Variants in TGM3 observed in about 807,000 individuals in gnomAD.
TGM3 encodes protein-glutamine gamma-glutamyltransferase E.
Under a neutral mutation model 73.8 loss-of-function variants are expected in TGM3, and 52 were observed. That is an observed-to-expected ratio of 0.70 (90% CI 0.56 to 0.89). The LOEUF (loss-of-function observed/expected upper bound fraction) is 0.89. TGM3 is among the 40% of genes least tolerant of loss of function. TGM3 has a pLI of 0.00. For synonymous variants in TGM3, 372 were observed against 354.9 expected, an observed-to-expected ratio of 1.05 and a Z score of -0.54; for missense variants, 928 against 909.9, an observed-to-expected ratio of 1.02 and a Z score of -0.26.
intron 8 of TGM3, among the ~76,000 whole-genome samples, chr20:2,327,893 G>A (rs918384206): frequency 6.6e-6 from 1 of 152,234 alleles, no homozygotes; most frequent in Non-Finnish European, 1.5e-5. Context: ...CGCCCGGAAT[G>A]CGGAATTGTG....
At chr20:2,326,762 G>T (rs1165650201) in intron 8 of TGM3, among the ~76,000 whole-genome samples, 1 of 151,662 alleles carries the variant, frequency 6.6e-6, no homozygotes, top group Non-Finnish European at 1.5e-5. Context: ...TGGGAGAATC[G>T]CTGGAACTCA....
At position 2,317,206 on chromosome 20, in the gene TGM3, T is replaced by C. The variant is rs1156411441; in HGVS notation, c.808T>C (p.Tyr270His). The C allele has an allele frequency of 3.7e-6, 6 of 1,614,140 alleles. No homozygotes were observed. The highest frequency in any genetic ancestry group is 5.1e-6 in the Non-Finnish European group (6 of 1,180,028). ...WKKSGFSPVR[Y>H]GQCWVFAGTL... ...AAAATCTGGCTTCAGCCCAGTCCGA[T>C]ATGGCCAGTGCTGGGTCTTTGCTGG... The change falls in exon 6 of 13, where the codon TAT becomes CAT. Residue 270 changes from tyrosine to histidine, a missense_variant. By Grantham distance (83) the Tyr-to-His change is moderately conservative (BLOSUM62 2). Transcript: ENST00000381458.
At chr20:2,308,330 T>A (rs2084185487) in intron 1 of TGM3, among the ~76,000 whole-genome samples, 1 of 152,208 alleles carries the variant, frequency 6.6e-6, no homozygotes, top group South Asian at 2.1e-4. Flanking sequence ...CACACTCTCA[T>A]CAGAGCCATG....
intron 1 of TGM3, among the ~76,000 whole-genome samples, chr20:2,300,261 GGAGAA>G (rs201898813): frequency 2.6e-5 from 4 of 151,328 alleles, no homozygotes; most frequent in African/African-American, 7.3e-5. Flanking sequence ...AGAAAAGAGA[GGAGAA>G]GAGAAGAGAA....
intron 10 of TGM3, among the ~76,000 whole-genome samples, chr20:2,333,856 CCCT>C (rs2084333484): frequency 6.6e-6 from 1 of 152,212 alleles, no homozygotes; most frequent in Non-Finnish European, 1.5e-5. Context: ...GGTTAAGTCT[CCCT>C]CCCTTTCTGA....
chr20:2,307,399 C>T (rs1434053180), intron 1 of TGM3, among the ~76,000 whole-genome samples: 3 of 152,206 alleles, frequency 2.0e-5, no homozygotes, highest in Non-Finnish European at 4.4e-5. Context: ...ACGCAGCGCC[C>T]CTGCTCCAGA....
chr20:2,310,666 T>C (rs2084199009), intron 3 of TGM3, among the ~76,000 whole-genome samples: 1 of 152,248 alleles, frequency 6.6e-6, no homozygotes, highest in African/African-American at 2.4e-5. Context: ...TCTGGGAATA[T>C]TGTGGAGATC....
intron 7 of TGM3, among the ~76,000 whole-genome samples, chr20:2,321,973 T>C (rs1054867424): frequency 6.6e-6 from 1 of 152,080 alleles, no homozygotes. Context: ...CAGCCTGCCC[T>C]TCCCCTTGGG....
rs764317584 is a variant in TGM3 at position 2,317,455 on chromosome 20, AC to A, written c.958del (p.Leu320TrpfsTer20). 1.2e-6 allele frequency: 2 copies of A among 1,614,090 alleles called. No homozygotes were observed. Among genetic ancestry groups the A allele is most frequent in the Admixed American group, 3.3e-5 (2 of 60,018 alleles). ...SVDVYYDPMGNPLDKGSDSVW... is the reference protein window; with the variant it reads ...SVDVYYDPMGXPLDKGSDSVW... The stretch of plus-strand genomic sequence containing the variant: ...GATGTGTACTACGACCCCATGGGAA[AC>A]CCCCTGGACAAGGGTAGTGATAGCG... On this transcript the variant is annotated frameshift_variant, in exon 7 of 13. Coordinates refer to ENST00000381458, the MANE Select transcript of TGM3 (RefSeq NM_003245.4). LOFTEE classifies it high-confidence loss of function.
intron 8 of TGM3, among the ~76,000 whole-genome samples, chr20:2,327,913 G>A (rs2084297452): frequency 6.6e-6 from 1 of 152,214 alleles, no homozygotes; most frequent in African/African-American, 2.4e-5. Context: ...GTAGTCTTAT[G>A]TAGAGGTTGA....
rs370527543 is a variant in TGM3 at position 2,317,056 on chromosome 20, G to T, written c.670-12G>T. The T allele has an allele frequency of 1.2e-6, 2 of 1,612,200 alleles. No homozygotes were observed. Among genetic ancestry groups the T allele is most frequent in the Non-Finnish European group, 1.7e-6 (2 of 1,178,974 alleles). ...AGTGCTGACTCATTTTGGGGGGGTG[G>T]TTTCTGCCCAGATCAATAGCAATGA... is the stretch of plus-strand genomic sequence containing the variant. On this transcript the variant is annotated splice_polypyrimidine_tract_variant and intron_variant, in intron 5 of 12. Coordinates refer to ENST00000381458, the MANE Select transcript of TGM3 (RefSeq NM_003245.4).
chr20:2,319,202 G>A (rs1019038071), intron 7 of TGM3, among the ~76,000 whole-genome samples: 1 of 152,168 alleles, frequency 6.6e-6, no homozygotes, highest in Non-Finnish European at 1.5e-5. Context: ...CCTAACTTTA[G>A]TTTCTTCTAC....
rs45603442 is a variant in TGM3, at chr20:2,326,119, G to A, written c.1087+167G>A. On this transcript the variant is annotated intron_variant, in intron 8 of 12. Transcript: ENST00000381458. Reference sequence around the variant, plus strand: ...CTCCCCTGCTAATTTTGCTTGGCTCGGGCTGCTGTTTAAATGAGTGCCTGC... The same window carrying A: ...CTCCCCTGCTAATTTTGCTTGGCTCAGGCTGCTGTTTAAATGAGTGCCTGC... The A allele has an allele frequency of 6.4e-4, 448 of 705,158 alleles. 3 individuals are homozygous for A. In the African/African-American group the frequency reaches 6.8e-3, roughly 11 times the overall value. 43.7% of individuals were successfully genotyped at this position (705,158 alleles called of 1,614,324 possible).
At chr20:2,304,966 C>A (rs1489723695) in intron 1 of TGM3, among the ~76,000 whole-genome samples, 1 of 152,140 alleles carries the variant, frequency 6.6e-6, no homozygotes, top group Non-Finnish European at 1.5e-5. Context: ...AACAGACGAC[C>A]AGCTTATGGT....
chr20:2,323,589 G>A (rs2084272406), intron 7 of TGM3, among the ~76,000 whole-genome samples: 1 of 152,198 alleles, frequency 6.6e-6, no homozygotes, highest in African/African-American at 2.4e-5. Flanking sequence ...TACTGGCTCA[G>A]TGAGTATGTA....
rs139800039 is a variant in TGM3 at position 2,309,850 on chromosome 20, C to A, written c.181+20C>A. The A allele has an allele frequency of 5.6e-6, 9 of 1,613,694 alleles. No individual in the cohort carries two copies. Among genetic ancestry groups the A allele is most frequent in the Non-Finnish European group, 7.6e-6 (9 of 1,179,656 alleles). On this transcript the variant is annotated intron_variant, in intron 2 of 12. Coordinates refer to ENST00000381458, the MANE Select transcript of TGM3 (RefSeq NM_003245.4). The stretch of plus-strand genomic sequence containing the variant: ...CCACAGGTACCTGCTCATTCCCCTC[C>A]TTGCCCAAACACACACATACTTGAG...
chr20:2,313,247 A>G (rs1266802903), intron 5 of TGM3, among the ~76,000 whole-genome samples: 1 of 152,246 alleles, frequency 6.6e-6, no homozygotes, highest in Non-Finnish European at 1.5e-5. Flanking sequence ...AAGCAGAGCC[A>G]GACCCAGGTC....
At chr20:2,305,059 C>T (rs214793) in intron 1 of TGM3, among the ~76,000 whole-genome samples, 113,406 of 152,120 alleles carry the variant, frequency 0.75, 43,827 homozygotes, top group East Asian at 0.93. Context: ...CCCATGCCCC[C>T]CTCCCAGCAC....
intron 10 of TGM3, among the ~76,000 whole-genome samples, chr20:2,333,964 T>G (rs16983952): frequency 0.064 from 9,751 of 152,252 alleles, 630 homozygotes; most frequent in African/African-American, 0.17. Flanking sequence ...CCTTCAGTGC[T>G]AAAAGCAGAG....
Sources: gnomAD v4.1 joint callset for allele counts (sites outside exome capture counted in the v4.1 genomes callset) on GRCh38, gnomAD v4.1.1 for gene constraint, MANE v1.5 for transcripts, NCBI Gene and HGNC (gene_info 2026-07-23, HGNC 2026-07-21) for gene names.